Variants in MAOB observed in about 807,000 individuals in gnomAD.
The protein encoded by MAOB is amine oxidase [flavin-containing] B.
In MAOB, 15 loss-of-function variants were observed where a neutral mutation model predicts 41.9. The observed-to-expected ratio is 0.36, with a 90% CI of 0.24 to 0.55. MAOB has a LOEUF of 0.55. MAOB is among the 20% of genes least tolerant of loss of function. The pLI, the probability that MAOB is intolerant of heterozygous loss-of-function variation, is 0.86. For synonymous variants in MAOB, 167 were observed against 144.2 expected, an observed-to-expected ratio of 1.16 and a Z score of -1.13; for missense variants, 345 against 398.7, an observed-to-expected ratio of 0.87 and a Z score of 1.15.
Position 43,811,587 on chromosome X carries a change from G to A in MAOB, c.280-8183C>T, listed in dbSNP as rs776177340. On this transcript the variant is annotated intron_variant, in intron 3 of 14. Coordinates refer to ENST00000378069, the MANE Select transcript of MAOB (RefSeq NM_000898.5). ...AAATAAAATTAGTCTTTCCCATCAG[G>A]GAGGAGGGGAGAAGTCCTGCAAATT... Among the ~76,000 whole-genome samples, 3 of 112,172 alleles carry A rather than the reference G, an allele frequency of 2.7e-5. No individual in the cohort carries two copies. In the South Asian group the frequency reaches 1.1e-3, roughly 42 times the overall value.
intron 3 of MAOB, among the ~76,000 whole-genome samples, chrX:43,838,356 A>T (rs1303484012): frequency 8.9e-6 from 1 of 112,106 alleles, no homozygotes; most frequent in East Asian, 2.8e-4. Flanking sequence ...CTTGGGGAGA[A>T]CAATGAAGCT....
chrX:43,800,731 G>A (rs1371696272), intron 5 of MAOB, among the ~76,000 whole-genome samples: 3 of 111,593 alleles, frequency 2.7e-5, no homozygotes, highest in Non-Finnish European at 5.7e-5. Flanking sequence ...GATGTTTAAA[G>A]AATAATTTTT....
At chrX:43,832,909 A>G (rs780008896) in intron 3 of MAOB, among the ~76,000 whole-genome samples, 1 of 111,851 alleles carries the variant, frequency 8.9e-6, no homozygotes, top group Non-Finnish European at 1.9e-5. Flanking sequence ...GAGCTAGTGG[A>G]ATAACTGTAC....
chrX:43,767,439 G>A lies in MAOB; in HGVS notation c.*27C>T, dbSNP rs2034124822. 3 of 1,186,358 alleles carry A rather than the reference G, an allele frequency of 2.5e-6. No individual in the cohort carries two copies. The highest frequency in any genetic ancestry group is 3.4e-6 in the Non-Finnish European group (3 of 879,317). ...TCATATCCCAAATACAGTAAGAAGA[G>A]AGTGTGATTACAGACACCCTCTCTC... On this transcript the variant is annotated 3_prime_UTR_variant, in exon 15 of 15. Transcript: ENST00000378069.
chrX:43,768,528 T>G, intron 14 of MAOB, 126 bp downstream of exon 14: 1 of 520,446 alleles, frequency 1.9e-6, no homozygotes, highest in Non-Finnish European at 3.3e-6. Flanking sequence ...ATTTAAACAT[T>G]CATGTTTAAA....
intron 1 of MAOB, among the ~76,000 whole-genome samples, chrX:43,854,536 A>T (rs2035276073): frequency 9.0e-6 from 1 of 111,205 alleles, no homozygotes; most frequent in Admixed American, 9.5e-5. Flanking sequence ...TGGGAGGGAG[A>T]GCTTCAGGAC....
At chrX:43,799,788 A>T (rs2034570197) in intron 5 of MAOB, among the ~76,000 whole-genome samples, 2 of 111,831 alleles carry the variant, frequency 1.8e-5, no homozygotes, top group South Asian at 7.5e-4. Flanking sequence ...TTTATAAGAT[A>T]AAAGGATGAG....
At chrX:43,845,905 T>G (rs897187538) in intron 1 of MAOB, among the ~76,000 whole-genome samples, 9 of 111,877 alleles carry the variant, frequency 8.0e-5, no homozygotes, top group Non-Finnish European at 1.5e-4. Context: ...TAATCCATCT[T>G]CCCATCCCTG....
intron 3 of MAOB, among the ~76,000 whole-genome samples, chrX:43,821,769 A>T (rs933610803): frequency 3.9e-4 from 44 of 111,749 alleles, no homozygotes; most frequent in African/African-American, 1.4e-3. Flanking sequence ...TTGTCAAAAA[A>T]CTCCTTTCTA....
At chrX:43,812,588 T>G (rs2034762005) in intron 3 of MAOB, among the ~76,000 whole-genome samples, 1 of 112,877 alleles carries the variant, frequency 8.9e-6, no homozygotes, top group Non-Finnish European at 1.9e-5. Flanking sequence ...GCAATGAGGT[T>G]GAGCAGCTTT....
chrX:43,870,945 C>T, intron 1 of MAOB, among the ~76,000 whole-genome samples: 1 of 111,282 alleles, frequency 9.0e-6, no homozygotes, highest in Middle Eastern at 4.7e-3. Flanking sequence ...GCTGTTCAGT[C>T]ATCCTCTGTC....
intron 3 of MAOB, among the ~76,000 whole-genome samples, chrX:43,828,198 C>T (rs1006397353): frequency 8.9e-6 from 1 of 112,052 alleles, no homozygotes; most frequent in African/African-American, 3.2e-5. Flanking sequence ...ATTTTCCTTT[C>T]TGCCTAAGTA....
At chrX:43,869,750 T>C (rs1331253934) in intron 1 of MAOB, among the ~76,000 whole-genome samples, 2 of 112,327 alleles carry the variant, frequency 1.8e-5, no homozygotes, top group Non-Finnish European at 3.8e-5. Context: ...TTCAAAATGT[T>C]GCAACTCATT....
intron 12 of MAOB, among the ~76,000 whole-genome samples, chrX:43,774,859 A>G (rs1482803686): frequency 1.8e-5 from 2 of 111,464 alleles, no homozygotes; most frequent in Non-Finnish European, 3.8e-5. Flanking sequence ...ATGTGTTTTG[A>G]TACAGGCATG....
chrX:43,868,933 G>A (rs1421459810), intron 1 of MAOB, among the ~76,000 whole-genome samples: 2 of 110,920 alleles, frequency 1.8e-5, no homozygotes, highest in Non-Finnish European at 1.9e-5. Context: ...TTAGCACACA[G>A]GAGGCATTCA....
At chrX:43,845,943 G>T (rs1167769168) in intron 1 of MAOB, among the ~76,000 whole-genome samples, 1 of 111,854 alleles carries the variant, frequency 8.9e-6, no homozygotes, top group Non-Finnish European at 1.9e-5. Flanking sequence ...AATGCTTCCA[G>T]TTGCTGATGG....
At chrX:43,857,323 G>A (rs191047733) in intron 1 of MAOB, among the ~76,000 whole-genome samples, 3 of 105,901 alleles carry the variant, frequency 2.8e-5, no homozygotes, top group African/African-American at 6.9e-5. Flanking sequence ...TGGAATTACC[G>A]GCATGCACCA....
At chrX:43,815,332 T>C (rs2034796880) in intron 3 of MAOB, among the ~76,000 whole-genome samples, 2 of 111,933 alleles carry the variant, frequency 1.8e-5, no homozygotes, top group South Asian at 3.7e-4. Context: ...GGACATGTAA[T>C]TTTTGGATAT....
chrX:43,788,967 T>C, intron 8 of MAOB, among the ~76,000 whole-genome samples: 1 of 111,452 alleles, frequency 9.0e-6, no homozygotes, highest in South Asian at 3.8e-4. Context: ...AAGAAGTGTT[T>C]CAAATTTTGG....
Sources: allele counts gnomAD v4.1 joint callset (sites outside exome capture counted in the v4.1 genomes callset), GRCh38; gene constraint gnomAD v4.1.1; transcripts MANE v1.5; gene names NCBI Gene and HGNC (gene_info 2026-07-23, HGNC 2026-07-21).